The following NKAIN2 variants were observed in gnomAD, a reference collection of about 807,000 sequenced individuals.
The protein encoded by NKAIN2 is sodium/potassium transporting ATPase interacting 2, also known as sodium/potassium-transporting ATPase subunit beta-1-interacting protein 2.
NKAIN2 carries 14 observed loss-of-function variants against 32.6 expected under a neutral mutation model. The ratio of observed to expected loss-of-function variants is 0.43; its 90% CI spans 0.28 to 0.67. The LOEUF is 0.67. Ranked by LOEUF, NKAIN2 falls within the 30% of genes least tolerant of loss-of-function variation. The probability of loss-of-function intolerance (pLI) is 0.17; values close to 1 mark genes in which losing one functional copy is unlikely to be tolerated. For synonymous variants in NKAIN2, 80 were observed against 87.2 expected (o/e 0.92, Z 0.46); for missense variants, 198 against 258.3 (o/e 0.77, Z 1.60).
At position 124,031,809 on chromosome 6, in the gene NKAIN2, T is replaced by C. The variant is rs180686512; in HGVS notation, c.54+227555T>C. ...ATAATTTCTGTTCTTTTACATTTGC[T>C]GAGGAGTGCTTTATTTCCAACTATG... is the stretch of plus-strand genomic sequence containing the variant. On this transcript the variant is annotated intron_variant, in intron 1 of 6. Transcript: ENST00000368417. 1.9e-3 allele frequency among the ~76,000 whole-genome samples: 289 copies of C among 152,280 alleles called. 1 individual carries two copies. The highest frequency in any genetic ancestry group is 1.4e-3 in the African/African-American group (58 of 41,576).
At chr6:123,872,064 C>T (rs1441099042) in intron 1 of NKAIN2, among the ~76,000 whole-genome samples, 1 of 152,148 alleles carries the variant, frequency 6.6e-6, no homozygotes, top group Admixed American at 6.5e-5. Context: ...CAGTGTTGTG[C>T]TGTTCTGGTA....
chr6:124,367,582 G>A (rs1212881764), intron 3 of NKAIN2, among the ~76,000 whole-genome samples: 2 of 152,088 alleles, frequency 1.3e-5, no homozygotes, highest in Non-Finnish European at 1.5e-5. Context: ...TATAGATTAT[G>A]GTTCTCTTAG....
intron 3 of NKAIN2, among the ~76,000 whole-genome samples, chr6:124,396,077 T>C (rs1033500069): frequency 1.2e-4 from 19 of 152,020 alleles, no homozygotes; most frequent in Admixed American, 9.2e-4. Context: ...TATATATACA[T>C]ATCTCCAGGT....
chr6:124,067,019 T>C lies in NKAIN2; in HGVS notation c.55-215986T>C, dbSNP rs191880439. 1.4e-4 allele frequency among the ~76,000 whole-genome samples: 21 copies of C among 152,160 alleles called. No individual in the cohort carries two copies. The East Asian group carries it at 3.9e-3, about 28-fold the overall frequency. On this transcript the variant is annotated intron_variant, in intron 1 of 6. Coordinates refer to ENST00000368417, the MANE Select transcript of NKAIN2 (RefSeq NM_001040214.3). ...GAGAATATCCTCTCTTTGGCTGACA[T>C]GTGAAATGTGACAGAGGTATCTTGT...
At chr6:123,818,477 G>A (rs2114881425) in intron 1 of NKAIN2, among the ~76,000 whole-genome samples, 1 of 151,700 alleles carries the variant, frequency 6.6e-6, no homozygotes, top group East Asian at 1.9e-4. Context: ...CCAAACCCAA[G>A]AAGGTTCTGC....
intron 4 of NKAIN2, among the ~76,000 whole-genome samples, chr6:124,750,534 T>C (rs9491229): frequency 0.34 from 51,780 of 151,342 alleles, 8,969 homozygotes; most frequent in Admixed American, 0.38. Flanking sequence ...GATGGATGGA[T>C]GGATGGATGG....
chr6:124,591,547 A>G (rs1051988077), intron 3 of NKAIN2, among the ~76,000 whole-genome samples: 4 of 152,056 alleles, frequency 2.6e-5, no homozygotes. Flanking sequence ...CCATTTCAAT[A>G]CTTGCCACTG....
intron 3 of NKAIN2, among the ~76,000 whole-genome samples, chr6:124,621,156 A>G (rs752650151): frequency 9.2e-5 from 14 of 152,158 alleles, no homozygotes; most frequent in Non-Finnish European, 1.6e-4. Context: ...CAGTTTAACA[A>G]AGCTGTTTAG....
At chr6:123,945,877 C>T in intron 1 of NKAIN2, among the ~76,000 whole-genome samples, 1 of 152,076 alleles carries the variant, frequency 6.6e-6, no homozygotes, top group East Asian at 1.9e-4. Flanking sequence ...ATAAAGAAAT[C>T]CACTATGGAT....
At chr6:124,031,479 CT>C (rs1781403752) in intron 1 of NKAIN2, among the ~76,000 whole-genome samples, 1 of 152,110 alleles carries the variant, frequency 6.6e-6, no homozygotes, top group Non-Finnish European at 1.5e-5. Flanking sequence ...TCTTGCTTCT[CT>C]AGTTCTTTTA....
intron 3 of NKAIN2, among the ~76,000 whole-genome samples, chr6:124,423,149 A>G (rs567856217): frequency 6.6e-6 from 1 of 152,334 alleles, no homozygotes; most frequent in Non-Finnish European, 1.5e-5. Context: ...AAAGTGATGT[A>G]CCAGTGCTGG....
chr6:124,321,035 C>T (rs1797162399), intron 2 of NKAIN2, among the ~76,000 whole-genome samples: 1 of 152,090 alleles, frequency 6.6e-6, no homozygotes, highest in African/African-American at 2.4e-5. Flanking sequence ...GGCTGTAGCA[C>T]CTACCACAGG....
At position 124,413,600 on chromosome 6, in the gene NKAIN2, G is replaced by T. The variant is rs1774322435; in HGVS notation, c.273+58253G>T. ...TGTCTCAAAATATCTTGCTGGGATT[G>T]GGATAGGGATTGCACTAAAGCTATC... On this transcript the variant is annotated intron_variant, in intron 3 of 6. Coordinates refer to ENST00000368417, the MANE Select transcript of NKAIN2 (RefSeq NM_001040214.3). Among the ~76,000 whole-genome samples the T allele has an allele frequency of 1.3e-5, 2 of 152,136 alleles. 1 individual carries two copies. Among genetic ancestry groups the T allele is most frequent in the South Asian group, 4.1e-4 (2 of 4,826 alleles).
chr6:124,247,057 T>C (rs1793446837), intron 1 of NKAIN2, among the ~76,000 whole-genome samples: 1 of 151,998 alleles, frequency 6.6e-6, no homozygotes, highest in Non-Finnish European at 1.5e-5. Flanking sequence ...AGCAGGGAGA[T>C]AGTGTTGTGT....
chr6:124,733,154 G>A (rs534973554), intron 4 of NKAIN2, among the ~76,000 whole-genome samples: 10 of 152,062 alleles, frequency 6.6e-5, no homozygotes, highest in Admixed American at 2.6e-4. Context: ...TCAGGAGTGA[G>A]GGGTGAGGAG....
intron 3 of NKAIN2, among the ~76,000 whole-genome samples, chr6:124,446,675 C>T (rs761648787): frequency 2.6e-5 from 4 of 151,996 alleles, no homozygotes; most frequent in Non-Finnish European, 4.4e-5. Context: ...TTATATAAAA[C>T]ATCAGATGAT....
intron 3 of NKAIN2, among the ~76,000 whole-genome samples, chr6:124,657,024 G>A (rs1375934600): frequency 6.6e-6 from 1 of 152,118 alleles, no homozygotes. Flanking sequence ...CCACCACCAT[G>A]GAGATGATGA....
chr6:124,406,756 A>G (rs964601519), intron 3 of NKAIN2, among the ~76,000 whole-genome samples: 1 of 151,964 alleles, frequency 6.6e-6, no homozygotes, highest in Non-Finnish European at 1.5e-5. Context: ...TTGTTTTTTT[A>G]TTTGAGTTAT....
chr6:124,595,488 T>G (rs1313524216), intron 3 of NKAIN2, among the ~76,000 whole-genome samples: 1 of 152,192 alleles, frequency 6.6e-6, no homozygotes. Flanking sequence ...CCAATTTTAA[T>G]CTTACTTGAA....
Sources: gnomAD v4.1 joint callset for allele counts (sites outside exome capture counted in the v4.1 genomes callset) on GRCh38, gnomAD v4.1.1 for gene constraint, MANE v1.5 for transcripts, NCBI Gene and HGNC (gene_info 2026-07-23, HGNC 2026-07-21) for gene names.